Variants in PTPRT observed in about 807,000 individuals in gnomAD.
PTPRT encodes the protein receptor-type tyrosine-protein phosphatase T.
Under a neutral mutation model 176.8 loss-of-function variants are expected in PTPRT, and 56 were observed. The observed-to-expected ratio is 0.32, with a 90% CI of 0.26 to 0.40. The LOEUF (loss-of-function observed/expected upper bound fraction) is 0.40. PTPRT is among the 10% of genes least tolerant of loss of function. The pLI is 1.00. For missense variants in PTPRT, 1,540 were observed against 1,908.2 expected (o/e 0.81, Z 3.60); for synonymous variants, 783 against 739.0 (o/e 1.06, Z -0.96).
At chr20:43,178,857 C>T (rs923704498) in intron 1 of PTPRT, among the ~76,000 whole-genome samples, 1 of 152,196 alleles carries the variant, frequency 6.6e-6, no homozygotes, top group Non-Finnish European at 1.5e-5. Context: ...AACACTTCCC[C>T]AAGGCAGATG....
intron 9 of PTPRT, among the ~76,000 whole-genome samples, chr20:42,398,113 T>C (rs868793176): frequency 1.3e-4 from 20 of 152,266 alleles, no homozygotes; most frequent in African/African-American, 4.6e-4. Context: ...TTGTCTGTGG[T>C]ATACTACCTC....
intron 7 of PTPRT, among the ~76,000 whole-genome samples, chr20:42,602,508 C>T (rs6093697): frequency 0.25 from 37,992 of 151,980 alleles, 5,129 homozygotes; most frequent in Non-Finnish European, 0.3. Context: ...ACTCTCCTGA[C>T]AACTCTGTGA....
intron 2 of PTPRT, among the ~76,000 whole-genome samples, chr20:42,841,774 A>G (rs1169788535): frequency 6.6e-6 from 1 of 152,204 alleles, no homozygotes; most frequent in African/African-American, 2.4e-5. Context: ...TATATCACAC[A>G]TGTGGGTATC....
chr20:42,229,660 C>T (rs2056093879), intron 15 of PTPRT, among the ~76,000 whole-genome samples: 1 of 152,114 alleles, frequency 6.6e-6, no homozygotes, highest in African/African-American at 2.4e-5. Context: ...TACATTATGT[C>T]CATTGAATCT....
At chr20:42,544,638 A>G (rs1296483562) in intron 7 of PTPRT, among the ~76,000 whole-genome samples, 1 of 152,000 alleles carries the variant, frequency 6.6e-6, no homozygotes, top group African/African-American at 2.4e-5. Flanking sequence ...CACTTGGGAG[A>G]CTTTCCACTC....
intron 13 of PTPRT, among the ~76,000 whole-genome samples, chr20:42,271,506 C>T (rs1288042571): frequency 6.6e-6 from 1 of 152,152 alleles, no homozygotes; most frequent in Non-Finnish European, 1.5e-5. Flanking sequence ...TCTGTAGTCT[C>T]CTTGAAAGCA....
chr20:42,422,726 C>T lies in PTPRT; in HGVS notation c.1560+25494G>A, dbSNP rs1216976069. Among the ~76,000 whole-genome samples, 3 of 152,122 alleles carry T rather than the reference C, an allele frequency of 2.0e-5. No homozygotes were observed. The East Asian group carries it at 5.8e-4, about 29-fold the overall frequency. The stretch of plus-strand genomic sequence containing the variant: ...TATACCCAAAGCAATATAAAACATT[C>T]TATTATAAAGACACACGCATGTAGA... On this transcript the variant is annotated intron_variant, in intron 9 of 30. Transcript: ENST00000373187.
intron 6 of PTPRT, among the ~76,000 whole-genome samples, chr20:42,737,147 A>G (rs1319696494): frequency 6.6e-6 from 1 of 152,228 alleles, no homozygotes; most frequent in Admixed American, 6.5e-5. Context: ...AGATGTAATC[A>G]AGCCAAGATG....
At chr20:42,328,683 ACAACT>A (rs1387579791) in intron 11 of PTPRT, among the ~76,000 whole-genome samples, 1 of 152,200 alleles carries the variant, frequency 6.6e-6, no homozygotes, top group Non-Finnish European at 1.5e-5. Context: ...TTTCAAATCT[ACAACT>A]AACATTATAC....
chr20:42,122,961 T>A (rs1272569335), intron 19 of PTPRT, among the ~76,000 whole-genome samples: 1 of 152,206 alleles, frequency 6.6e-6, no homozygotes, highest in Admixed American at 6.5e-5. Context: ...CAGAGCTGAC[T>A]CATTCCTCCT....
Position 42,657,570 on chromosome 20 carries a change from G to T in PTPRT, c.1153+20296C>A, listed in dbSNP as rs964529882. On this transcript the variant is annotated intron_variant, in intron 7 of 30. Coordinates refer to ENST00000373187, the MANE Select transcript of PTPRT (RefSeq NM_007050.6). ...TGGCATTTATTAGTATGGCTTTGTGGGGGGGAAAAATCTGTGCTTCAATGA... is the reference window on the plus strand; with the variant it reads ...TGGCATTTATTAGTATGGCTTTGTGTGGGGGAAAAATCTGTGCTTCAATGA... 3.1e-5 allele frequency among the ~76,000 whole-genome samples: 4 copies of T among 130,128 alleles called. No individual in the cohort carries two copies. The East Asian group carries it at 5.9e-4, about 19-fold the overall frequency. The allele number at this position is 130,128 out of a possible 152,430, so 85.4% of individuals were successfully genotyped here. A position where few individuals can be genotyped will look rare whatever the true frequency, so the allele number is the denominator to read the frequency against.
rs144626304 is a variant in PTPRT at position 42,179,763 on chromosome 20, G to T, written c.2492-18221C>A. The stretch of plus-strand genomic sequence containing the variant: ...AGTATTACACTGGGCTCTTTGCCAA[G>T]CAGGGCCAAGGGACTAAGTCTGAAT... On this transcript the variant is annotated intron_variant, in intron 16 of 30. Coordinates refer to ENST00000373187, the MANE Select transcript of PTPRT (RefSeq NM_007050.6). Among the ~76,000 whole-genome samples the T allele has an allele frequency of 3.3e-5, 5 of 152,302 alleles. No individual in the cohort carries two copies. In the East Asian group the frequency reaches 9.7e-4, roughly 29 times the overall value.
chr20:42,841,858 A>G (rs1353315203), intron 2 of PTPRT, among the ~76,000 whole-genome samples: 4 of 152,226 alleles, frequency 2.6e-5, no homozygotes, highest in African/African-American at 9.7e-5. Flanking sequence ...ATCTAGCTGA[A>G]GCCAAAGTTT....
intron 16 of PTPRT, among the ~76,000 whole-genome samples, chr20:42,163,878 C>T (rs1415778390): frequency 1.3e-5 from 2 of 152,240 alleles, no homozygotes; most frequent in Non-Finnish European, 2.9e-5. Context: ...AAGACTCACA[C>T]TGTTTCTTGT....
chr20:42,777,576 C>G (rs1354641257), intron 4 of PTPRT, among the ~76,000 whole-genome samples: 1 of 152,188 alleles, frequency 6.6e-6, no homozygotes, highest in Non-Finnish European at 1.5e-5. Flanking sequence ...TGATTTAGTG[C>G]CTTTCTTTCC....
intron 1 of PTPRT, among the ~76,000 whole-genome samples, chr20:42,959,759 C>T (rs1055179566): frequency 6.6e-6 from 1 of 152,198 alleles, no homozygotes; most frequent in Non-Finnish European, 1.5e-5. Context: ...AGAACCCATG[C>T]ACAAGCCATT....
chr20:42,446,621 TGAGAGAGA>T (rs369315599), intron 9 of PTPRT, among the ~76,000 whole-genome samples: 1 of 130,080 alleles, frequency 7.7e-6, no homozygotes, highest in African/African-American at 2.8e-5. Context: ...TGTGTGTGTG[TGAGAGAGA>T]GAGAGAGATT....
intron 9 of PTPRT, among the ~76,000 whole-genome samples, chr20:42,393,947 G>A (rs760933237): frequency 3.3e-5 from 5 of 151,960 alleles, no homozygotes; most frequent in South Asian, 2.1e-4. Context: ...CTATATTCCC[G>A]AATACAACCT....
chr20:42,560,694 ATTCTC>A, intron 7 of PTPRT, among the ~76,000 whole-genome samples: 1 of 152,136 alleles, frequency 6.6e-6, no homozygotes, highest in South Asian at 2.1e-4. Context: ...CTCAATATGG[ATTCTC>A]TTTGTATGTA....
Sources: allele counts gnomAD v4.1 joint callset (sites outside exome capture counted in the v4.1 genomes callset), GRCh38; gene constraint gnomAD v4.1.1; transcripts MANE v1.5; gene names NCBI Gene and HGNC (gene_info 2026-07-23, HGNC 2026-07-21).